Variants in PIAS1 observed in about 807,000 individuals in gnomAD.
The protein encoded by PIAS1 is protein inhibitor of activated STAT 1.
PIAS1 carries 6 observed loss-of-function variants against 71.3 expected under a neutral mutation model. That is an observed-to-expected ratio of 0.08 (90% confidence interval 0.05 to 0.17). The LOEUF (loss-of-function observed/expected upper bound fraction) is 0.17. PIAS1 is among the 10% of genes least tolerant of loss of function. The pLI, the probability that PIAS1 is intolerant of heterozygous loss-of-function variation, is 1.00. For synonymous variants in PIAS1, 303 were observed against 292.9 expected, an observed-to-expected ratio of 1.03 and a Z score of -0.35; for missense variants, 555 against 793.6, an observed-to-expected ratio of 0.70 and a Z score of 3.61.
intron 2 of PIAS1, among the ~76,000 whole-genome samples, chr15:68,130,942 G>A (rs956463003): frequency 1.3e-5 from 2 of 151,974 alleles, no homozygotes; most frequent in Admixed American, 6.6e-5. Flanking sequence ...TGTTATAAGC[G>A]GTTTTATATT....
chr15:68,110,653 T>G (rs935764914), intron 2 of PIAS1, among the ~76,000 whole-genome samples: 3 of 151,934 alleles, frequency 2.0e-5, no homozygotes, highest in African/African-American at 7.3e-5. Flanking sequence ...TCCCACCTAC[T>G]CAAGAGGCTG....
rs1567035777 is a variant in PIAS1 at position 68,088,198 on chromosome 15, A to ATATATATATATATATATATC, written c.469+1451_469+1452insATATATATATATATATCTAT. ...TGTGTATATATATATATATATATAT[A>ATATATATATATATATATATC]TATCCCATTTTAAATTAAAGGCCAT... is the stretch of plus-strand genomic sequence containing the variant. On this transcript the variant is annotated intron_variant, in intron 2 of 13. Coordinates refer to ENST00000249636, the MANE Select transcript of PIAS1 (RefSeq NM_016166.3). Among the ~76,000 whole-genome samples the ATATATATATATATATATATC allele has an allele frequency of 5.6e-5, 8 of 143,418 alleles. No homozygotes were observed. In the East Asian group the frequency reaches 6.1e-4, roughly 11 times the overall value. 94.1% of individuals were successfully genotyped at this position (143,418 alleles called of 152,430 possible).
chr15:68,179,300 C>G (rs1277316338), intron 11 of PIAS1, among the ~76,000 whole-genome samples: 1 of 152,132 alleles, frequency 6.6e-6, no homozygotes, highest in African/African-American at 2.4e-5. Context: ...CAGAAATTGT[C>G]TATGCTGTTT....
At chr15:68,085,879 T>G (rs2092276704) in intron 1 of PIAS1, among the ~76,000 whole-genome samples, 1 of 152,188 alleles carries the variant, frequency 6.6e-6, no homozygotes. Flanking sequence ...GACTGTTTGT[T>G]GTTTCATATA....
Position 68,142,237 on chromosome 15 carries a change from C to A in PIAS1, c.555-53C>A, listed in dbSNP as rs958879973. 7.6e-6 allele frequency: 11 copies of A among 1,455,346 alleles called. No individual in the cohort carries two copies. The Middle Eastern group carries it at 1.0e-3, about 137-fold the overall frequency. The allele number at this position is 1,455,346 out of a possible 1,614,324, so 90.2% of individuals were successfully genotyped here. A position where few individuals can be genotyped will look rare whatever the true frequency, so the allele number is the denominator to read the frequency against. On this transcript the variant is annotated intron_variant, in intron 3 of 13. Transcript: ENST00000249636. ...TGGAGTAACAAGGTCTTTGAATGAA[C>A]TTTCATGCAAATACTTTAAAAGTAA...
intron 7 of PIAS1, among the ~76,000 whole-genome samples, chr15:68,164,316 T>C (rs2092943010): frequency 6.6e-6 from 1 of 152,142 alleles, no homozygotes; most frequent in Admixed American, 6.5e-5. Flanking sequence ...GTATAAATGT[T>C]ATTCTTATTA....
chr15:68,107,993 T>C (rs935104508), intron 2 of PIAS1, among the ~76,000 whole-genome samples: 1 of 152,152 alleles, frequency 6.6e-6, no homozygotes, highest in Non-Finnish European at 1.5e-5. Flanking sequence ...TTAGAATTAA[T>C]TAAAATCTAC....
chr15:68,056,084 A>G lies in PIAS1; in HGVS notation c.24+1734A>G, dbSNP rs146838263. ...TTGGAGATAATTAACCCTTGAAATA[A>G]AAAAAAGCACACAACTTTAAGACAT... is the stretch of plus-strand genomic sequence containing the variant. On this transcript the variant is annotated intron_variant, in intron 1 of 13. Transcript: ENST00000249636. 1.2e-3 allele frequency among the ~76,000 whole-genome samples: 181 copies of G among 152,302 alleles called. 1 individual carries two copies. Among genetic ancestry groups the G allele is most frequent in the Middle Eastern group, 3.4e-3 (1 of 294 alleles).
At position 68,191,454 on chromosome 15, in the gene PIAS1, C is replaced by G. The variant is rs1057359533; in HGVS notation, c.*3619C>G. ...CTCTTTAGATGTAATAAAAGAAAAG[C>G]CTTCAGTTAATTTGTCTTCTGTAAA... On this transcript the variant is annotated 3_prime_UTR_variant, in exon 14 of 14. Transcript: ENST00000249636. 1 of 152,584 alleles carries G rather than the reference C, an allele frequency of 6.6e-6. No homozygotes were observed. Among genetic ancestry groups the G allele is most frequent in the Admixed American group, 6.5e-5 (1 of 15,276 alleles). The allele number at this position is 152,584 out of a possible 1,614,324, so 9.5% of individuals were successfully genotyped here.
Position 68,167,213 on chromosome 15 carries a change from GTA to G in PIAS1, c.1008+2411_1008+2412del, listed in dbSNP as rs1555433075. On this transcript the variant is annotated intron_variant, in intron 8 of 13. Coordinates refer to ENST00000249636, the MANE Select transcript of PIAS1 (RefSeq NM_016166.3). The surrounding 1 kb of genome is among the most constrained non-coding windows in gnomAD (Gnocchi z 4.4). ...ATATTGTGTGTGTGTGTGTGTGTGTGTATGTGTAAAATGTATAATTATAATAC... is the reference window on the plus strand; with the variant it reads ...ATATTGTGTGTGTGTGTGTGTGTGTGTGTGTAAAATGTATAATTATAATAC... Among the ~76,000 whole-genome samples the G allele has an allele frequency of 6.6e-6, 1 of 151,952 alleles. No homozygotes were observed.
chr15:68,120,487 C>A (rs1050079638), intron 2 of PIAS1, among the ~76,000 whole-genome samples: 1 of 151,844 alleles, frequency 6.6e-6, no homozygotes, highest in Non-Finnish European at 1.5e-5. Context: ...TTAACTATAA[C>A]TCTTTGTTGT....
intron 1 of PIAS1, among the ~76,000 whole-genome samples, chr15:68,060,271 G>A (rs2091943596): frequency 6.6e-6 from 1 of 151,950 alleles, no homozygotes; most frequent in Admixed American, 6.6e-5. Context: ...GTTTTGCTGG[G>A]ATTACAGGTG....
intron 10 of PIAS1, 94 bp downstream of exon 10, chr15:68,175,861 CA>C (rs2093017454): frequency 1.3e-6 from 1 of 781,496 alleles, no homozygotes. Flanking sequence ...AATCACTGAG[CA>C]GTTTGTGGAT....
At chr15:68,133,095 T>A (rs909440318) in intron 2 of PIAS1, among the ~76,000 whole-genome samples, 1 of 152,040 alleles carries the variant, frequency 6.6e-6, no homozygotes, top group South Asian at 2.1e-4. Context: ...ACTTTAATGA[T>A]GTATCTTAGA....
At chr15:68,143,807 T>C (rs2092788776) in intron 4 of PIAS1, among the ~76,000 whole-genome samples, 1 of 152,116 alleles carries the variant, frequency 6.6e-6, no homozygotes, top group African/African-American at 2.4e-5. Flanking sequence ...TCTTCTCTCC[T>C]AAACACATAC....
At chr15:68,151,680 CA>C (rs2092845620) in intron 6 of PIAS1, among the ~76,000 whole-genome samples, 17 of 13,600 alleles carry the variant, frequency 1.3e-3, no homozygotes, top group African/African-American at 4.0e-3. Flanking sequence ...AACAAAAAAA[CA>C]AAACACACAC....
chr15:68,090,433 A>C (rs1242946286), intron 2 of PIAS1, among the ~76,000 whole-genome samples: 1 of 151,670 alleles, frequency 6.6e-6, no homozygotes, highest in Non-Finnish European at 1.5e-5. Flanking sequence ...CCTAACATTT[A>C]ATTTACCCTT....
At chr15:68,147,267 T>A (rs990364461) in intron 6 of PIAS1, among the ~76,000 whole-genome samples, 5 of 152,224 alleles carry the variant, frequency 3.3e-5, no homozygotes, top group African/African-American at 1.2e-4. Flanking sequence ...TTAACACTAT[T>A]ATCTTCTTTG....
rs1597134208 is a variant in PIAS1, at chr15:68,074,792, T to C, written c.25-11514T>C. On this transcript the variant is annotated intron_variant, in intron 1 of 13. Coordinates refer to ENST00000249636, the MANE Select transcript of PIAS1 (RefSeq NM_016166.3). The stretch of plus-strand genomic sequence containing the variant: ...TAGATAGATAAACTTTGTTTTTCTC[T>C]TTTTGTGCTTTTAAAAAAATTGCTT... Among the ~76,000 whole-genome samples the C allele has an allele frequency of 2.0e-5, 3 of 152,066 alleles. No homozygotes were observed. In the East Asian group the frequency reaches 5.8e-4, roughly 29 times the overall value.
Sources: gnomAD v4.1 joint callset for allele counts (sites outside exome capture counted in the v4.1 genomes callset) on GRCh38, gnomAD v4.1.1 for gene constraint, Gnocchi (gnomAD v3.1) non-coding constraint, MANE v1.5 for transcripts, NCBI Gene and HGNC (gene_info 2026-07-23, HGNC 2026-07-21) for gene names.